The following PPP2R1B variants were observed in gnomAD, a reference collection of about 807,000 sequenced individuals.
The protein encoded by PPP2R1B is protein phosphatase 2 scaffold subunit Abeta, also known as serine/threonine-protein phosphatase 2A 65 kDa regulatory subunit A beta isoform.
Under a neutral mutation model 72.7 loss-of-function variants are expected in PPP2R1B, and 58 were observed. The observed-to-expected ratio is 0.80, with a 90% CI of 0.65 to 0.99. The LOEUF (loss-of-function observed/expected upper bound fraction) is 0.99. Among genes scored for constraint, PPP2R1B ranks in the 50% least tolerant of loss-of-function variants. The pLI is 0.00. For missense variants in PPP2R1B, 695 were observed against 733.6 expected (o/e 0.95, Z 0.61); for synonymous variants, 256 against 264.6 (o/e 0.97, Z 0.32).
chr11:111,710,626 GGAA>G, the PPP2R1B span, among the ~76,000 whole-genome samples: 14 of 152,304 alleles, frequency 9.2e-5, no homozygotes, highest in Non-Finnish European at 1.9e-4. Flanking sequence ...GAAGGCTTTA[GGAA>G]GAAGGGGAAA....
chr11:111,766,347 T>G lies in PPP2R1B; in HGVS notation c.15A>C (p.Ser5=). MAGA[S]ELGTGPGAAG... Reference sequence around the variant, plus strand: ...CTGCTCCTGGGCCGGTCCCGAGCTCTGATGCGCCCGCCATGTTCTTTCTCC... The same window carrying G: ...CTGCTCCTGGGCCGGTCCCGAGCTCGGATGCGCCCGCCATGTTCTTTCTCC... The change falls in exon 1 of 15, where the codon TCA becomes TCC. Residue 5 remains serine, a synonymous_variant. Transcript: ENST00000527614. 1.4e-6 allele frequency: 2 copies of G among 1,480,108 alleles called. No individual in the cohort carries two copies. Among genetic ancestry groups the G allele is most frequent in the South Asian group, 2.3e-5 (2 of 88,308 alleles). 91.7% of individuals were successfully genotyped at this position (1,480,108 alleles called of 1,614,324 possible).
In PPP2R1B at chr11:111,755,437, A is replaced by C; in HGVS notation, c.701T>G (p.Leu234Arg). 6.2e-7 allele frequency: 1 copy of C among 1,602,232 alleles called. No homozygotes were observed. The highest frequency in any genetic ancestry group is 2.2e-5 in the East Asian group (1 of 44,848). Residue 234 changes from leucine to arginine, a missense_variant, in exon 6 of 15, where the codon CTC becomes CGC. Coordinates refer to ENST00000527614, the MANE Select transcript of PPP2R1B (RefSeq NM_002716.5). ...ACTGACACAAGCTTCCACAGCAAGGAGGCGCACTGAATCCTAAAGGAACAA... is the reference window on the plus strand; with the variant it reads ...ACTGACACAAGCTTCCACAGCAAGGCGGCGCACTGAATCCTAAAGGAACAA... Reference protein sequence around the residue: ...LASDEQDSVRLLAVEACVSIA... With the variant: ...LASDEQDSVRRLAVEACVSIA...
At chr11:111,765,928 C>T (rs988172031) in intron 1 of PPP2R1B, 7 of 520,898 alleles carry the variant, frequency 1.3e-5, no homozygotes, top group Non-Finnish European at 2.6e-5. Context: ...CCTGCTCCCT[C>T]GCCCAAGAGA....
At chr11:111,745,488 C>T (rs928395445) in intron 11 of PPP2R1B, among the ~76,000 whole-genome samples, 1 of 152,204 alleles carries the variant, frequency 6.6e-6, no homozygotes, top group African/African-American at 2.4e-5. Flanking sequence ...CTGCACTGAA[C>T]TCTACTTGGC....
chr11:111,707,925 G>A, the PPP2R1B span, among the ~76,000 whole-genome samples: 3 of 152,110 alleles, frequency 2.0e-5, no homozygotes, highest in Non-Finnish European at 4.4e-5. Context: ...ACAGCAATAC[G>A]TACTTCATTA....
downstream of PPP2R1B, chr11:111,724,351 A>G: frequency 1.6e-6 from 1 of 606,404 alleles, no homozygotes; most frequent in Non-Finnish European, 2.8e-6. Context: ...ACATAGTTGT[A>G]GGCTGAGGCT....
intron 8 of PPP2R1B, 122 bp downstream of exon 8, chr11:111,754,377 C>T (rs1555048882): frequency 3.0e-6 from 4 of 1,314,468 alleles, no homozygotes; most frequent in Non-Finnish European, 3.1e-6. Context: ...CACATCTTCC[C>T]CATTCATTCC....
downstream of PPP2R1B, chr11:111,723,665 C>A (rs763962224): frequency 6.2e-7 from 1 of 1,613,764 alleles, no homozygotes; most frequent in Non-Finnish European, 8.5e-7. Context: ...CCTGACCCAG[C>A]CCCTGAGCCC....
rs782818079 is a variant in PPP2R1B, at chr11:111,752,236, C to G, written c.1261G>C (p.Val421Leu). The G allele has an allele frequency of 3.1e-6, 5 of 1,614,134 alleles. No individual in the cohort carries two copies. The East Asian group carries it at 8.9e-5, about 29-fold the overall frequency. The change falls in exon 10 of 15, where the codon GTG becomes CTG. Residue 421 changes from valine (V) to leucine (L), a missense_variant. Transcript: ENST00000527614. ...CATTTGGCATCTTCTGCCAGCTCCA[C>G]TATGGCAGGAAGGAGAGACTGAGAG... ...QLSQSLLPAI[V>L]ELAEDAKWRV...
Position 111,740,804 on chromosome 11 carries a change from T to G in PPP2R1B, c.*792A>C. 1 of 985,352 alleles carries G rather than the reference T, an allele frequency of 1.0e-6. No individual in the cohort carries two copies. The highest frequency in any genetic ancestry group is 1.2e-6 in the Non-Finnish European group (1 of 829,846). 61.0% of individuals were successfully genotyped at this position (985,352 alleles called of 1,614,324 possible). ...CTTAGACTCATTCGAAATACAGAAC[T>G]GCAATCTCACAATGAAACAAACATA... On this transcript the variant is annotated 3_prime_UTR_variant, in exon 15 of 15. Transcript: ENST00000527614.
intron 10 of PPP2R1B, among the ~76,000 whole-genome samples, chr11:111,748,723 G>T (rs1416549358): frequency 3.3e-5 from 5 of 152,132 alleles, no homozygotes; most frequent in African/African-American, 1.2e-4. Context: ...CCCTTCTGGG[G>T]TCTACACATT....
At chr11:111,714,455 C>T in the PPP2R1B span, among the ~76,000 whole-genome samples, 4 of 152,178 alleles carry the variant, frequency 2.6e-5, no homozygotes, top group Non-Finnish European at 5.9e-5. Flanking sequence ...GAAAGTTAGC[C>T]TGCATATCAC....
At chr11:111,712,405 G>A in the PPP2R1B span, 4 of 1,594,258 alleles carry the variant, frequency 2.5e-6, no homozygotes, top group Non-Finnish European at 3.4e-6. Flanking sequence ...TCTCAGAACT[G>A]GCAGTTTGGC....
chr11:111,739,597 C>T lies in PPP2R1B; in HGVS notation c.*1999G>A, dbSNP rs750109749. ...GGTAGAGAAGTCAATGCTTAGGGCT[C>T]CTCACTGGGAGACACAAGGGCATTT... On this transcript the variant is annotated 3_prime_UTR_variant, in exon 15 of 15. Coordinates refer to ENST00000527614, the MANE Select transcript of PPP2R1B (RefSeq NM_002716.5). The T allele has an allele frequency of 1.1e-4, 111 of 985,304 alleles. No individual in the cohort carries two copies. The highest frequency in any genetic ancestry group is 1.3e-4 in the Non-Finnish European group (111 of 829,940). 61.0% of individuals were successfully genotyped at this position (985,304 alleles called of 1,614,324 possible). A position where few individuals can be genotyped will look rare whatever the true frequency, so the allele number is the denominator to read the frequency against.
chr11:111,717,395 A>C, the PPP2R1B span, among the ~76,000 whole-genome samples: 2 of 151,756 alleles, frequency 1.3e-5, no homozygotes, highest in East Asian at 1.9e-4. Context: ...ACAATGAGAT[A>C]CTATCTCATG....
At chr11:111,742,310 TCA>T in intron 13 of PPP2R1B, 166 bp from the exon 14 acceptor site, 3 of 759,008 alleles carry the variant, frequency 4.0e-6, no homozygotes, top group Non-Finnish European at 6.1e-6. Flanking sequence ...CTCAGCAAAA[TCA>T]GCTTCAGACA....
intron 13 of PPP2R1B, 147 bp from the exon 14 acceptor site, chr11:111,742,291 A>C: frequency 1.2e-6 from 1 of 808,282 alleles, no homozygotes; most frequent in Non-Finnish European, 1.9e-6. Context: ...AATAATGTCT[A>C]AAGAAATTCT....
the PPP2R1B span, among the ~76,000 whole-genome samples, chr11:111,692,461 C>G: frequency 6.9e-6 from 1 of 145,196 alleles, no homozygotes; most frequent in East Asian, 2.1e-4. Context: ...GATGGATCCA[C>G]ACATGCAAAG....
intron 10 of PPP2R1B, among the ~76,000 whole-genome samples, chr11:111,750,941 C>T (rs1172049530): frequency 2.0e-5 from 3 of 151,892 alleles, no homozygotes; most frequent in African/African-American, 7.3e-5. Flanking sequence ...TGGGTTCAAG[C>T]GATTCTCCTG....
Sources: allele counts gnomAD v4.1 joint callset (sites outside exome capture counted in the v4.1 genomes callset), GRCh38; gene constraint gnomAD v4.1.1; transcripts MANE v1.5; gene names NCBI Gene and HGNC (gene_info 2026-07-23, HGNC 2026-07-21).